Variants in OSBPL9 observed in about 807,000 individuals in gnomAD.
OSBPL9 encodes the protein oxysterol binding protein like 9, also known as oxysterol-binding protein-related protein 9.
OSBPL9 carries 40 observed loss-of-function variants against 106.6 expected under a neutral mutation model. The observed-to-expected ratio is 0.38, with a 90% CI of 0.29 to 0.49. The LOEUF (loss-of-function observed/expected upper bound fraction) is 0.49. Ranked by LOEUF, OSBPL9 falls within the 20% of genes least tolerant of loss-of-function variation. The pLI is 0.97. For missense variants in OSBPL9, 609 were observed against 887.2 expected, an observed-to-expected ratio of 0.69 and a Z score of 3.98; for synonymous variants, 269 against 295.4, an observed-to-expected ratio of 0.91 and a Z score of 0.92.
the OSBPL9 span, among the ~76,000 whole-genome samples, chr1:51,527,324 A>G: frequency 1.7e-4 from 23 of 131,732 alleles, no homozygotes; most frequent in Admixed American, 1.1e-3. Context: ...CTATCCAATG[A>G]TGATGGTGAT....
intron 3 of OSBPL9, among the ~76,000 whole-genome samples, chr1:51,680,089 A>G (rs771888890): frequency 4.6e-5 from 7 of 151,926 alleles, no homozygotes; most frequent in Non-Finnish European, 7.4e-5. Flanking sequence ...CCCCCTCTCC[A>G]CTAAAAATAC....
At chr1:51,578,410 T>A (rs1169384079) in intron 1 of OSBPL9, among the ~76,000 whole-genome samples, 2 of 152,240 alleles carry the variant, frequency 1.3e-5, no homozygotes, top group Admixed American at 1.3e-4. Context: ...AGGCTCTCTT[T>A]TTGTTAGGAG....
chr1:51,748,523 G>A (rs1000469942), intron 7 of OSBPL9, 125 bp downstream of exon 7: 2 of 1,064,284 alleles, frequency 1.9e-6, no homozygotes, highest in Non-Finnish European at 1.2e-6. Context: ...TATTATACAG[G>A]GGTGCTTAAG....
chr1:51,752,014 A>G (rs567150897), intron 8 of OSBPL9, among the ~76,000 whole-genome samples: 1 of 152,292 alleles, frequency 6.6e-6, no homozygotes, highest in South Asian at 2.1e-4. Context: ...CCTCAATTAT[A>G]TTTGTACTGT....
chr1:51,630,054 C>T (rs772346250), intron 1 of OSBPL9, among the ~76,000 whole-genome samples: 4 of 151,794 alleles, frequency 2.6e-5, no homozygotes, highest in Non-Finnish European at 4.4e-5. Context: ...TCACAGGGGA[C>T]GGAGGAGATG....
chr1:51,636,515 T>C (rs1335948528), intron 1 of OSBPL9, among the ~76,000 whole-genome samples: 26 of 152,010 alleles, frequency 1.7e-4, no homozygotes, highest in Admixed American at 1.7e-3. Context: ...TTTTTGTATT[T>C]TTTGTAGAGA....
upstream of OSBPL9, among the ~76,000 whole-genome samples, chr1:51,614,858 C>T (rs929012380): frequency 6.6e-6 from 1 of 152,130 alleles, no homozygotes; most frequent in East Asian, 1.9e-4. Context: ...GCAAACTTGC[C>T]TAAGGCCATA....
chr1:51,630,309 G>A (rs72663123), intron 1 of OSBPL9, among the ~76,000 whole-genome samples: 4,240 of 152,128 alleles, frequency 0.028, 93 homozygotes, highest in Non-Finnish European at 0.043. Flanking sequence ...AACAAGACAA[G>A]GTTAGAGGGA....
rs1255830902 is a variant in OSBPL9, at chr1:51,787,483, A to G, written c.2131A>G (p.Thr711Ala). Residue 711 changes from threonine (T) to alanine (A), a missense_variant, in exon 23 of 24, where the codon ACA (threonine) becomes GCA (alanine). Thr to Ala is a moderately conservative substitution (Grantham distance 58). Transcript: ENST00000428468. ...ERKEKEIQWE[T>A]RLFHEDGECW... ...GAAGGAGAAGGAAATTCAGTGGGAG[A>G]CAAGGGTAAGCTTGCCTGCCCCACC... The G allele has an allele frequency of 6.2e-7, 1 of 1,613,960 alleles. No homozygotes were observed. The highest frequency in any genetic ancestry group is 2.2e-5 in the East Asian group (1 of 44,882).
the OSBPL9 span, among the ~76,000 whole-genome samples, chr1:51,549,284 C>T: frequency 1.3e-5 from 2 of 152,170 alleles, no homozygotes; most frequent in African/African-American, 4.8e-5. Flanking sequence ...TTTTAACCTT[C>T]CCCCAAAGAT....
In OSBPL9 at chr1:51,784,247, G is replaced by C; in HGVS notation, c.1625-17G>C. ...CTTGGCACTACTCATCAGAGATTCT[G>C]TCCCTTCTCTCCACAGGCTGTGTCT... On this transcript the variant is annotated splice_polypyrimidine_tract_variant and intron_variant, in intron 18 of 23. Coordinates refer to ENST00000428468, the MANE Select transcript of OSBPL9 (RefSeq NM_024586.6). 6.2e-7 allele frequency: 1 copy of C among 1,611,448 alleles called. No individual in the cohort carries two copies. Among genetic ancestry groups the C allele is most frequent in the East Asian group, 2.2e-5 (1 of 44,864 alleles).
At chr1:51,630,991 A>G (rs1312809917) in intron 1 of OSBPL9, among the ~76,000 whole-genome samples, 1 of 152,168 alleles carries the variant, frequency 6.6e-6, no homozygotes, top group African/African-American at 2.4e-5. Flanking sequence ...CCCACTGCGC[A>G]AAGAAAATCA....
At chr1:51,742,814 A>C (rs551838808) in intron 4 of OSBPL9, among the ~76,000 whole-genome samples, 1 of 152,186 alleles carries the variant, frequency 6.6e-6, no homozygotes, top group African/African-American at 2.4e-5. Context: ...TAAATGTTGA[A>C]TGGAAAGAGA....
chr1:51,598,962 C>G (rs1164797728), intron 2 of OSBPL9, among the ~76,000 whole-genome samples: 1 of 150,910 alleles, frequency 6.6e-6, no homozygotes, highest in Non-Finnish European at 1.5e-5. Flanking sequence ...CCATTGCACT[C>G]CAGCCTGGGC....
intron 4 of OSBPL9, among the ~76,000 whole-genome samples, chr1:51,718,535 G>A (rs996271214): frequency 2.0e-5 from 3 of 152,006 alleles, no homozygotes; most frequent in African/African-American, 7.2e-5. Context: ...AGAATTTCTT[G>A]TCATTGGATA....
Position 51,789,161 on chromosome 1 carries a change from T to A in OSBPL9, c.*1372T>A. 2 of 1,387,924 alleles carry A rather than the reference T, an allele frequency of 1.4e-6. No individual in the cohort carries two copies. The highest frequency in any genetic ancestry group is 2.0e-6 in the Non-Finnish European group (2 of 976,988). The allele number at this position is 1,387,924 out of a possible 1,614,324, so 86.0% of individuals were successfully genotyped here. Reference sequence around the variant, plus strand: ...CAATGGAAGCCCTAAGGCAGTAGTATAACTAACTCCATAAAATACAAACAA... The same window carrying A: ...CAATGGAAGCCCTAAGGCAGTAGTAAAACTAACTCCATAAAATACAAACAA... On this transcript the variant is annotated 3_prime_UTR_variant, in exon 24 of 24. Coordinates refer to ENST00000428468, the MANE Select transcript of OSBPL9 (RefSeq NM_024586.6).
intron 1 of OSBPL9, among the ~76,000 whole-genome samples, chr1:51,585,863 G>GT (rs58651352): frequency 0.16 from 23,168 of 146,342 alleles, 3,352 homozygotes; most frequent in African/African-American, 0.39. Context: ...ATTTTTAATA[G>GT]TTTTTTTTTT....
In OSBPL9 at chr1:51,756,324, A is replaced by G. The variant is rs760522380; in HGVS notation, c.548A>G (p.Gln183Arg). 6.2e-7 allele frequency: 1 copy of G among 1,612,804 alleles called. No individual in the cohort carries two copies. The highest frequency in any genetic ancestry group is 1.3e-5 in the African/African-American group (1 of 75,014). The change falls in exon 9 of 24, where the codon CAG becomes CGG. Residue 183 changes from glutamine (Q) to arginine (R), a missense_variant. Gln to Arg is a conservative substitution (Grantham distance 43). Around this residue, in one of 5 missense-constraint regions of OSBPL9, gnomAD observed 356 missense variants for 505.8 expected, o/e 0.70. Coordinates refer to ENST00000428468, the MANE Select transcript of OSBPL9 (RefSeq NM_024586.6). ...TTTTTAACATTTTTCCTTAAGGACC[A>G]GAGTAATGCGGAGAAGCACGCAGAT... Reference protein sequence around the residue: ...CIVLLQIAKDQSNAEKHADGM... With the variant: ...CIVLLQIAKDRSNAEKHADGM...
intron 3 of OSBPL9, among the ~76,000 whole-genome samples, chr1:51,705,376 C>CTCATATATATATATAT (rs1447902837): frequency 2.4e-5 from 1 of 41,654 alleles, no homozygotes; most frequent in African/African-American, 1.1e-4. Flanking sequence ...TAGGGTGTTT[C>CTCATATATATATATAT]ATATATATAT....
Sources: allele counts gnomAD v4.1 joint callset (sites outside exome capture counted in the v4.1 genomes callset), GRCh38; gene constraint gnomAD v4.1.1; regional missense constraint gnomAD v4.1.1; transcripts MANE v1.5; gene names NCBI Gene and HGNC (gene_info 2026-07-23, HGNC 2026-07-21).